Variants in CADPS2 observed in about 807,000 individuals in gnomAD.
The protein encoded by CADPS2 is calcium dependent secretion activator 2.
CADPS2 carries 93 observed loss-of-function variants against 172.5 expected under a neutral mutation model. The observed-to-expected ratio is 0.54, with a 90% CI of 0.46 to 0.64. The LOEUF is 0.64. CADPS2 is among the 30% of genes least tolerant of loss of function. The probability of loss-of-function intolerance (pLI) is 0.00; values close to 1 mark genes in which losing one functional copy is unlikely to be tolerated. For missense variants in CADPS2, 1,420 were observed against 1,565.9 expected (o/e 0.91, Z 1.57); for synonymous variants, 546 against 555.2 (o/e 0.98, Z 0.23).
intron 22 of CADPS2, among the ~76,000 whole-genome samples, chr7:122,392,763 A>G (rs2044545739): frequency 6.6e-6 from 1 of 152,166 alleles, no homozygotes; most frequent in Non-Finnish European, 1.5e-5. Context: ...AAAAATAGAA[A>G]AATATTATAT....
At chr7:122,591,424 T>C (rs926116676) in intron 6 of CADPS2, among the ~76,000 whole-genome samples, 3 of 152,090 alleles carry the variant, frequency 2.0e-5, no homozygotes, top group African/African-American at 4.8e-5. Flanking sequence ...AGGTAATTTA[T>C]AGATTCAATG....
intron 1 of CADPS2, among the ~76,000 whole-genome samples, chr7:122,769,324 T>G (rs763641859): frequency 6.6e-6 from 1 of 152,208 alleles, no homozygotes; most frequent in Non-Finnish European, 1.5e-5. Context: ...ACAGGATAGA[T>G]AGAGCTTTCC....
intron 28 of CADPS2, among the ~76,000 whole-genome samples, chr7:122,344,103 C>T (rs1245301477): frequency 1.3e-5 from 2 of 152,142 alleles, no homozygotes; most frequent in Admixed American, 1.3e-4. Context: ...TGAACACTGA[C>T]ACGAGAGACC....
intron 25 of CADPS2, among the ~76,000 whole-genome samples, chr7:122,362,662 G>A (rs1168508660): frequency 2.6e-5 from 4 of 152,054 alleles, no homozygotes; most frequent in African/African-American, 9.7e-5. Flanking sequence ...ATTCCCAAAG[G>A]GAAAATGCTG....
chr7:122,882,209 A>G (rs1823094907), intron 1 of CADPS2, among the ~76,000 whole-genome samples: 1 of 152,196 alleles, frequency 6.6e-6, no homozygotes, highest in African/African-American at 2.4e-5. Flanking sequence ...ATTTACATAC[A>G]TTTCTCAAAC....
At chr7:122,814,743 A>G (rs1800888503) in intron 1 of CADPS2, among the ~76,000 whole-genome samples, 1 of 152,154 alleles carries the variant, frequency 6.6e-6, no homozygotes, top group African/African-American at 2.4e-5. Flanking sequence ...CTAATCTAAC[A>G]CATACATTAA....
intron 14 of CADPS2, among the ~76,000 whole-genome samples, chr7:122,460,705 T>C (rs1229432526): frequency 6.6e-6 from 1 of 151,536 alleles, no homozygotes; most frequent in Non-Finnish European, 1.5e-5. Flanking sequence ...TATGAAATAA[T>C]TATAAAAGAT....
At chr7:122,772,998 G>T (rs933673419) in intron 1 of CADPS2, among the ~76,000 whole-genome samples, 2 of 152,036 alleles carry the variant, frequency 1.3e-5, no homozygotes, top group Admixed American at 1.3e-4. Flanking sequence ...GGAAGAAAAT[G>T]GCACCACATG....
At chr7:122,515,959 G>T (rs2060342408) in intron 8 of CADPS2, among the ~76,000 whole-genome samples, 2 of 151,620 alleles carry the variant, frequency 1.3e-5, no homozygotes, top group Middle Eastern at 6.9e-3. Flanking sequence ...TGCAAAAAAA[G>T]AATAATAATC....
chr7:122,832,804 CAAGT>C (rs1277202285), intron 1 of CADPS2, among the ~76,000 whole-genome samples: 2 of 152,182 alleles, frequency 1.3e-5, no homozygotes, highest in Non-Finnish European at 2.9e-5. Flanking sequence ...AAGATCCATG[CAAGT>C]ATCACCCAAA....
chr7:122,828,412 T>C (rs1375639107), intron 1 of CADPS2, among the ~76,000 whole-genome samples: 1 of 152,136 alleles, frequency 6.6e-6, no homozygotes, highest in African/African-American at 2.4e-5. Context: ...TTAAGATAAT[T>C]ATTGAGATGT....
At chr7:122,801,993 CATAAT>C (rs1224821402) in intron 1 of CADPS2, among the ~76,000 whole-genome samples, 1 of 152,002 alleles carries the variant, frequency 6.6e-6, no homozygotes, top group African/African-American at 2.4e-5. Flanking sequence ...AAAAATCTCT[CATAAT>C]AGAAAAGCTA....
chr7:122,434,375 A>C (rs2050377268), intron 17 of CADPS2, among the ~76,000 whole-genome samples: 2 of 152,294 alleles, frequency 1.3e-5, no homozygotes, highest in Admixed American at 6.5e-5. Context: ...CCTTAATAGA[A>C]GACTTCAGTT....
intron 2 of CADPS2, among the ~76,000 whole-genome samples, chr7:122,732,560 TGAA>T (rs1209101048): frequency 6.7e-6 from 1 of 149,166 alleles, no homozygotes; most frequent in African/African-American, 2.4e-5. Context: ...TATATATTGT[TGAA>T]GAATATAATA....
rs963097119 is a variant in CADPS2 at position 122,615,256 on chromosome 7, T to C, written c.1148A>G (p.Asn383Ser). The change falls in exon 6 of 30, where the codon AAT (asparagine) becomes AGT (serine). Residue 383 changes from asparagine to serine, a missense_variant. Physicochemically the swap from Asn to Ser is conservative, Grantham distance 46. Coordinates refer to ENST00000449022, the MANE Select transcript of CADPS2 (RefSeq NM_017954.11). ...TTCCATTGTACAGTAAACAATTCGA[T>C]TGGGAGCAACTGACTTCAGGCCTTG... ...EVQGLKSVAP[N>S]RIVYCTMEVE... The C allele has an allele frequency of 5.1e-6, 8 of 1,556,626 alleles. No homozygotes were observed. Among genetic ancestry groups the C allele is most frequent in the East Asian group, 4.7e-5 (2 of 42,110 alleles).
chr7:122,398,738 T>TTCTTTCTC (rs1554494754), intron 20 of CADPS2, among the ~76,000 whole-genome samples: 1 of 131,400 alleles, frequency 7.6e-6, no homozygotes, highest in Non-Finnish European at 1.6e-5. Context: ...GAAAACACTC[T>TTCTTTCTC]TCTCTCTCTC....
chr7:122,616,771 C>T (rs560953892), intron 5 of CADPS2, among the ~76,000 whole-genome samples: 1 of 151,946 alleles, frequency 6.6e-6, no homozygotes, highest in Non-Finnish European at 1.5e-5. Context: ...AGAAAATAAG[C>T]AAAGGAAGTT....
chr7:122,393,058 A>T, intron 22 of CADPS2, 138 bp downstream of exon 22: 6 of 1,012,098 alleles, frequency 5.9e-6, no homozygotes, highest in Non-Finnish European at 8.3e-6. Flanking sequence ...TAGCTTAAAA[A>T]CTCAAATAAA....
intron 5 of CADPS2, among the ~76,000 whole-genome samples, chr7:122,619,378 C>G (rs2075320585): frequency 6.6e-6 from 1 of 151,114 alleles, no homozygotes; most frequent in Non-Finnish European, 1.5e-5. Context: ...GTAATCCTAG[C>G]ACTTTGGGTG....
Sources: gnomAD v4.1 joint callset for allele counts (sites outside exome capture counted in the v4.1 genomes callset) on GRCh38, gnomAD v4.1.1 for gene constraint, MANE v1.5 for transcripts, NCBI Gene and HGNC (gene_info 2026-07-23, HGNC 2026-07-21) for gene names.